MGMT: variants seen among roughly 807,000 people sequenced by gnomAD.
MGMT encodes methylated-DNA--protein-cysteine methyltransferase.
MGMT carries 14 observed loss-of-function variants against 15.9 expected under a neutral mutation model. The ratio of observed to expected loss-of-function variants is 0.88; its 90% confidence interval spans 0.58 to 1.37. The LOEUF is 1.37. Among genes scored for constraint, MGMT ranks in the 40% most tolerant of loss-of-function variants. The pLI is 0.00. For missense variants in MGMT, 282 were observed against 268.1 expected, an observed-to-expected ratio of 1.05 and a Z score of -0.36; for synonymous variants, 130 against 118.2, an observed-to-expected ratio of 1.10 and a Z score of -0.65.
intron 2 of MGMT, among the ~76,000 whole-genome samples, chr10:129,682,987 T>G (rs572198369): frequency 6.6e-6 from 1 of 152,246 alleles, no homozygotes; most frequent in East Asian, 1.9e-4. Flanking sequence ...TAGCTGGGAT[T>G]ATAGGCGCAC....
chr10:129,709,360 G>A lies in MGMT; in HGVS notation c.274+1317G>A, dbSNP rs148472664. On this transcript the variant is annotated intron_variant, in intron 3 of 4. Coordinates refer to ENST00000651593, the MANE Select transcript of MGMT (RefSeq NM_002412.5). ...CGGTGTGGGGGACCTTGCTCACTGT[G>A]CACCTGATGGGCCGGGCACAGGGCA... Among the ~76,000 whole-genome samples, 1,051 of 152,338 alleles carry A rather than the reference G, an allele frequency of 6.9e-3. 20 individuals carry two copies. The highest frequency in any genetic ancestry group is 0.024 in the African/African-American group (1,009 of 41,564).
intron 1 of MGMT, among the ~76,000 whole-genome samples, chr10:129,493,509 A>G (rs896840547): frequency 2.6e-5 from 4 of 152,208 alleles, no homozygotes; most frequent in Non-Finnish European, 5.9e-5. Flanking sequence ...CCCTTAATCC[A>G]AAACAACTGG....
intron 3 of MGMT, among the ~76,000 whole-genome samples, chr10:129,738,977 C>G (rs1033749951): frequency 6.6e-6 from 1 of 152,214 alleles, no homozygotes; most frequent in African/African-American, 2.4e-5. Context: ...GGCTTCATCC[C>G]TGGGATCCAA....
chr10:129,628,618 A>G (rs758126037), intron 2 of MGMT, among the ~76,000 whole-genome samples: 1 of 152,188 alleles, frequency 6.6e-6, no homozygotes, highest in African/African-American at 2.4e-5. Context: ...TGGGTTTTAC[A>G]TGGGGAAAGA....
intron 2 of MGMT, among the ~76,000 whole-genome samples, chr10:129,537,483 CA>C (rs1280122271): frequency 6.6e-6 from 1 of 152,042 alleles, no homozygotes; most frequent in African/African-American, 2.4e-5. Context: ...TCACAGGCAC[CA>C]AATAATTTGT....
intron 2 of MGMT, among the ~76,000 whole-genome samples, chr10:129,542,032 CG>C (rs377763936): frequency 5.5e-4 from 84 of 152,300 alleles, no homozygotes; most frequent in African/African-American, 1.8e-3. Flanking sequence ...CGTATCCTGC[CG>C]GGCCTCTGTG....
At chr10:129,563,720 C>T (rs1032190833) in intron 2 of MGMT, 1 of 152,046 alleles carries the variant, frequency 6.6e-6, no homozygotes. Flanking sequence ...TACTGCAATA[C>T]AATTAAATAT....
chr10:129,686,698 TAAGGAGGTC>T (rs1318715359), intron 2 of MGMT, among the ~76,000 whole-genome samples: 1 of 152,220 alleles, frequency 6.6e-6, no homozygotes, highest in Non-Finnish European at 1.5e-5. Context: ...TTTCTCCATT[TAAGGAGGTC>T]ACCTGTCCTG....
chr10:129,602,288 T>A (rs894591725), intron 2 of MGMT, among the ~76,000 whole-genome samples: 2 of 152,088 alleles, frequency 1.3e-5, no homozygotes, highest in Non-Finnish European at 2.9e-5. Flanking sequence ...TAGTCAGGCA[T>A]GTTGAAAAGG....
intron 2 of MGMT, among the ~76,000 whole-genome samples, chr10:129,652,757 G>T (rs1847476341): frequency 1.3e-5 from 2 of 152,204 alleles, no homozygotes; most frequent in Admixed American, 1.3e-4. Context: ...CCTCTGGGAG[G>T]CCTCAGTGCC....
intron 2 of MGMT, among the ~76,000 whole-genome samples, chr10:129,646,141 T>G (rs1204343111): frequency 6.6e-6 from 1 of 152,140 alleles, no homozygotes; most frequent in Non-Finnish European, 1.5e-5. Flanking sequence ...AAAGTCACAC[T>G]AAGAGCCTCC....
chr10:129,488,036 C>CACACACACACACACACACAT (rs1845430849), intron 1 of MGMT, among the ~76,000 whole-genome samples: 1 of 147,412 alleles, frequency 6.8e-6, no homozygotes, highest in African/African-American at 2.5e-5. Context: ...CACACACACA[C>CACACACACACACACACACAT]ACACATGAAT....
intron 2 of MGMT, among the ~76,000 whole-genome samples, chr10:129,586,778 T>C (rs1846623244): frequency 6.6e-6 from 1 of 152,228 alleles, no homozygotes; most frequent in Admixed American, 6.5e-5. Flanking sequence ...AATGGGTGTT[T>C]AGCATTTTAA....
chr10:129,543,467 G>A lies in MGMT; in HGVS notation c.125+7090G>A, dbSNP rs1846066918. ...CAGAGCTGCCTCGCCACAGAAGAGC[G>A]AGGTTCTGGGATTCACTGTGAAATT... On this transcript the variant is annotated intron_variant, in intron 2 of 4. Coordinates refer to ENST00000651593, the MANE Select transcript of MGMT (RefSeq NM_002412.5). Among the ~76,000 whole-genome samples, 3 of 152,180 alleles carry A rather than the reference G, an allele frequency of 2.0e-5. No homozygotes were observed. In the South Asian group the frequency reaches 6.2e-4, roughly 32 times the overall value.
chr10:129,760,377 C>T (rs534996313), intron 4 of MGMT, among the ~76,000 whole-genome samples: 8 of 152,300 alleles, frequency 5.3e-5, no homozygotes, highest in African/African-American at 1.9e-4. Flanking sequence ...TGTCTTCTCC[C>T]GAAAGCTCTG....
intron 1 of MGMT, among the ~76,000 whole-genome samples, chr10:129,522,287 G>T (rs901463040): frequency 2.0e-5 from 3 of 152,224 alleles, no homozygotes; most frequent in African/African-American, 7.2e-5. Context: ...CACAGGCTGG[G>T]AGAGGAGGGG....
chr10:129,542,023 G>A (rs1013897242), intron 2 of MGMT, among the ~76,000 whole-genome samples: 2 of 152,148 alleles, frequency 1.3e-5, no homozygotes, highest in African/African-American at 2.4e-5. Flanking sequence ...ACGTGAGAAC[G>A]TATCCTGCCG....
chr10:129,666,517 A>C (rs1847660852), intron 2 of MGMT, among the ~76,000 whole-genome samples: 1 of 151,978 alleles, frequency 6.6e-6, no homozygotes, highest in Non-Finnish European at 1.5e-5. Context: ...ATATTTTTTA[A>C]TGTTTGTTTT....
chr10:129,716,595 CAT>C (rs1195244862), intron 3 of MGMT, among the ~76,000 whole-genome samples: 2 of 152,192 alleles, frequency 1.3e-5, no homozygotes, highest in South Asian at 2.1e-4. Flanking sequence ...TTGCCCAAGA[CAT>C]ATACTTTTCA....
Sources: allele counts gnomAD v4.1 joint callset (sites outside exome capture counted in the v4.1 genomes callset), GRCh38; gene constraint gnomAD v4.1.1; transcripts MANE v1.5; gene names NCBI Gene and HGNC (gene_info 2026-07-23, HGNC 2026-07-21).